TRERF1: variants seen among roughly 807,000 people sequenced by gnomAD.
TRERF1 encodes the protein transcriptional-regulating factor 1.
TRERF1 carries 27 observed loss-of-function variants against 122.9 expected under a neutral mutation model. The observed-to-expected ratio is 0.22, with a 90% CI of 0.16 to 0.30. The LOEUF (loss-of-function observed/expected upper bound fraction) is 0.30. Among genes scored for constraint, TRERF1 ranks in the 10% least tolerant of loss-of-function variants. The probability of loss-of-function intolerance (pLI) is 1.00; values close to 1 mark genes in which losing one functional copy is unlikely to be tolerated. For missense variants in TRERF1, 1,248 were observed against 1,560.3 expected, an observed-to-expected ratio of 0.80 and a Z score of 3.37; for synonymous variants, 636 against 641.7, an observed-to-expected ratio of 0.99 and a Z score of 0.13.
At chr6:42,312,216 C>A (rs1442079969) in intron 3 of TRERF1, among the ~76,000 whole-genome samples, 1 of 152,136 alleles carries the variant, frequency 6.6e-6, no homozygotes. Flanking sequence ...TTCCCCAGAG[C>A]CACCAGAGAA....
chr6:42,400,556 C>A (rs1029738709), intron 2 of TRERF1, among the ~76,000 whole-genome samples: 1 of 152,174 alleles, frequency 6.6e-6, no homozygotes, highest in African/African-American at 2.4e-5. Context: ...TCACCCACCA[C>A]CACCAGGGCC....
chr6:42,348,173 A>C (rs1470999399), intron 3 of TRERF1, among the ~76,000 whole-genome samples: 6 of 150,842 alleles, frequency 4.0e-5, no homozygotes, highest in Admixed American at 3.9e-4. Context: ...GTCAGTGTGC[A>C]CGTCTGTATA....
chr6:42,369,504 C>A (rs1485784402), intron 2 of TRERF1, among the ~76,000 whole-genome samples: 1 of 152,112 alleles, frequency 6.6e-6, no homozygotes, highest in East Asian at 1.9e-4. Flanking sequence ...GTCAGTCAGA[C>A]CCAAAACCAG....
Position 42,232,668 on chromosome 6 carries a change from C to T in TRERF1, c.3278+13G>A. On this transcript the variant is annotated intron_variant, in intron 17 of 17. Coordinates refer to ENST00000372922, the Ensembl canonical transcript of TRERF1. This position sits in a 1 kb window ranked among gnomAD's most constrained non-coding sequence, Gnocchi z 4.5. ...CATGAACTCAGATTCAGTCCCCGGT[C>T]CCCTGCACCTACTTGCCACACTCCT... 5 of 1,579,592 alleles carry T rather than the reference C, an allele frequency of 3.2e-6. No individual in the cohort carries two copies. Among genetic ancestry groups the T allele is most frequent in the Non-Finnish European group, 3.5e-6 (4 of 1,155,576 alleles).
intron 4 of TRERF1, among the ~76,000 whole-genome samples, chr6:42,285,821 G>A (rs1371749379): frequency 1.3e-5 from 2 of 151,592 alleles, no homozygotes; most frequent in Admixed American, 6.6e-5. Context: ...CCAAAAAAGA[G>A]CCCGCATCGC....
intron 2 of TRERF1, among the ~76,000 whole-genome samples, chr6:42,439,460 T>A (rs970211954): frequency 6.6e-6 from 1 of 152,144 alleles, no homozygotes; most frequent in African/African-American, 2.4e-5. Context: ...GGCGGGCACC[T>A]GTAATCCCAG....
intron 2 of TRERF1, among the ~76,000 whole-genome samples, chr6:42,388,336 C>T (rs1021450750): frequency 2.0e-5 from 3 of 151,162 alleles, no homozygotes; most frequent in Admixed American, 6.6e-5. Context: ...TCATCTATTA[C>T]ACAGGTAGAT....
chr6:42,354,813 C>T lies in TRERF1; in HGVS notation c.-371+8184G>A, dbSNP rs111880283. Among the ~76,000 whole-genome samples the T allele has an allele frequency of 5.6e-3, 848 of 152,268 alleles. 1 individual carries two copies. Among genetic ancestry groups the T allele is most frequent in the Middle Eastern group, 0.024 (7 of 294 alleles). On this transcript the variant is annotated intron_variant, in intron 3 of 17. Transcript: ENST00000372922. ...ATTTTAATATCCAATAGATCTAACTCCCTTTCCCCAAAACCACTTTCAGAA... is the reference window on the plus strand; with the variant it reads ...ATTTTAATATCCAATAGATCTAACTTCCTTTCCCCAAAACCACTTTCAGAA...
intron 16 of TRERF1, among the ~76,000 whole-genome samples, chr6:42,233,328 C>G (rs1348842917): frequency 6.7e-6 from 1 of 149,706 alleles, no homozygotes; most frequent in Admixed American, 6.6e-5. Context: ...CTCTGTCACC[C>G]AGGCTGGAGT....
chr6:42,381,260 C>T (rs1775859232), intron 2 of TRERF1, among the ~76,000 whole-genome samples: 2 of 151,884 alleles, frequency 1.3e-5, no homozygotes, highest in South Asian at 4.2e-4. Flanking sequence ...GTTTATCTGC[C>T]TCTTTCCCTC....
chr6:42,441,314 G>T (rs1001156304), intron 2 of TRERF1, among the ~76,000 whole-genome samples: 1 of 152,088 alleles, frequency 6.6e-6, no homozygotes, highest in African/African-American at 2.4e-5. Flanking sequence ...GAAATCTTAC[G>T]TAGAGTTGCT....
intron 2 of TRERF1, among the ~76,000 whole-genome samples, chr6:42,390,641 C>A (rs1248109555): frequency 6.6e-6 from 1 of 152,154 alleles, no homozygotes; most frequent in Non-Finnish European, 1.5e-5. Context: ...TGTTCTGAGA[C>A]AGACAGGACC....
At chr6:42,297,314 T>C (rs1785280461) in intron 4 of TRERF1, among the ~76,000 whole-genome samples, 1 of 152,172 alleles carries the variant, frequency 6.6e-6, no homozygotes, top group African/African-American at 2.4e-5. Context: ...ATTGCTGAGA[T>C]AGTACAAATG....
chr6:42,285,747 C>A (rs1783089609), intron 4 of TRERF1, among the ~76,000 whole-genome samples: 1 of 152,100 alleles, frequency 6.6e-6, no homozygotes, highest in South Asian at 2.1e-4. Context: ...TAAATCATCC[C>A]CATCAAGCTA....
At chr6:42,444,361 C>A (rs1787091752) in intron 2 of TRERF1, among the ~76,000 whole-genome samples, 1 of 152,216 alleles carries the variant, frequency 6.6e-6, no homozygotes, top group Admixed American at 6.5e-5. Context: ...CTAAAGAATT[C>A]ACTCTTTCCT....
intron 2 of TRERF1, among the ~76,000 whole-genome samples, chr6:42,401,842 T>C (rs1461189844): frequency 6.6e-6 from 1 of 152,166 alleles, no homozygotes; most frequent in Admixed American, 6.5e-5. Flanking sequence ...GGAGACCAAA[T>C]GGAACTTCAC....
chr6:42,291,785 T>C (rs1784364782), intron 4 of TRERF1, among the ~76,000 whole-genome samples: 1 of 151,912 alleles, frequency 6.6e-6, no homozygotes, highest in African/African-American at 2.4e-5. Context: ...GACCTCATGA[T>C]CCACCCGCCT....
intron 2 of TRERF1, among the ~76,000 whole-genome samples, chr6:42,387,741 C>T (rs996294063): frequency 4.6e-5 from 7 of 152,194 alleles, no homozygotes; most frequent in Non-Finnish European, 1.0e-4. Flanking sequence ...TGTTCACATT[C>T]GGGGCCACAT....
intron 2 of TRERF1, among the ~76,000 whole-genome samples, chr6:42,375,534 A>C (rs1428683315): frequency 6.6e-6 from 1 of 152,228 alleles, no homozygotes; most frequent in East Asian, 1.9e-4. Context: ...TGTGCAGTCC[A>C]AAAGCATTTA....
Sources: gnomAD v4.1 joint callset for allele counts (sites outside exome capture counted in the v4.1 genomes callset) on GRCh38, gnomAD v4.1.1 for gene constraint, Gnocchi (gnomAD v3.1) non-coding constraint, MANE v1.5 for transcripts, NCBI Gene and HGNC (gene_info 2026-07-23, HGNC 2026-07-21) for gene names.